Variants in ZNF264 observed in about 807,000 individuals in gnomAD.
The protein encoded by ZNF264 is zinc finger protein 264.
In ZNF264, 11 loss-of-function variants were observed where a neutral mutation model predicts 11.2. The ratio of observed to expected loss-of-function variants is 0.98; its 90% CI spans 0.62 to 1.63. ZNF264 has a LOEUF of 1.63. Ranked by LOEUF, ZNF264 falls within the 40% of genes most tolerant of loss-of-function variation. The pLI is 0.00. For missense variants in ZNF264, 752 were observed against 768.1 expected, an observed-to-expected ratio of 0.98 and a Z score of 0.25; for synonymous variants, 309 against 279.8, an observed-to-expected ratio of 1.10 and a Z score of -1.04.
chr19:57,203,307 TG>T (rs970944472), intron 2 of ZNF264, among the ~76,000 whole-genome samples: 49 of 152,190 alleles, frequency 3.2e-4, no homozygotes, highest in African/African-American at 1.2e-3. Flanking sequence ...GGGTATGGTT[TG>T]GGGTTAGGTG....
At position 57,222,559 on chromosome 19, in the gene ZNF264, C is replaced by G. The variant is rs559838986; in HGVS notation, c.*9578C>G. ...ATGTATATGTGTGTGTACATATGGA[C>G]CACTTCAAGCTACACACACACACAC... On this transcript the variant is annotated 3_prime_UTR_variant, in exon 4 of 4. Coordinates refer to ENST00000263095, the MANE Select transcript of ZNF264 (RefSeq NM_003417.5). The G allele has an allele frequency of 8.8e-6, 1 of 113,390 alleles. No individual in the cohort carries two copies. The highest frequency in any genetic ancestry group is 2.9e-4 in the South Asian group (1 of 3,488). 7.0% of individuals were successfully genotyped at this position (113,390 alleles called of 1,614,324 possible).
At chr19:57,194,250 C>G (rs1298620861) in intron 2 of ZNF264, 1 of 496,256 alleles carries the variant, frequency 2.0e-6, no homozygotes, top group African/African-American at 2.0e-5. Context: ...TTTGCAAACT[C>G]AAAGGTAATT....
rs1487820612 is a variant in ZNF264, at chr19:57,221,165, C to G, written c.*8184C>G. The G allele has an allele frequency of 2.0e-5, 3 of 152,518 alleles. No homozygotes were observed. The highest frequency in any genetic ancestry group is 2.9e-5 in the Non-Finnish European group (2 of 68,310). The allele number at this position is 152,518 out of a possible 1,614,324, so 9.4% of individuals were successfully genotyped here. A position where few individuals can be genotyped will look rare whatever the true frequency, so the allele number is the denominator to read the frequency against. On this transcript the variant is annotated 3_prime_UTR_variant, in exon 4 of 4. Coordinates refer to ENST00000263095, the MANE Select transcript of ZNF264 (RefSeq NM_003417.5). ...TCCCGGGTTCAAGCGATTCTCCTGCCTCAGCCTCCTGAGTAGCTGGGACTA... is the reference window on the plus strand; with the variant it reads ...TCCCGGGTTCAAGCGATTCTCCTGCGTCAGCCTCCTGAGTAGCTGGGACTA...
chr19:57,193,576 A>G, intron 1 of ZNF264: 1 of 973,666 alleles, frequency 1.0e-6, no homozygotes, highest in Non-Finnish European at 1.2e-6. Flanking sequence ...TATTATTACC[A>G]TTTCCCCATT....
chr19:57,193,913 C>T lies in ZNF264; in HGVS notation c.72C>T (p.Thr24=), dbSNP rs7258170. The T allele has an allele frequency of 9.2e-3, 14,889 of 1,613,934 alleles. 1,164 individuals carry two copies. The African/African-American group carries it at 0.17, about 19-fold the overall frequency. Residue 24 remains threonine (T), a synonymous_variant, in exon 2 of 4, where the codon ACC becomes ACT. Coordinates refer to ENST00000263095, the MANE Select transcript of ZNF264 (RefSeq NM_003417.5). ...TTGATGATGTGGCTGTGACTTTCAC[C>T]AAGGAGGAGTGGGGGCAGCTGGACC... The part of the protein sequence containing the change: ...VTFDDVAVTF[T]KEEWGQLDLA...
chr19:57,201,279 G>C lies in ZNF264; in HGVS notation c.161-4118G>C, dbSNP rs181863162. ...TTTAGGCTTTTGGCATCCAGAAGTA[G>C]TGGATCTTAGTTTCTGTCCCTGGGT... On this transcript the variant is annotated intron_variant, in intron 2 of 3. Coordinates refer to ENST00000263095, the MANE Select transcript of ZNF264 (RefSeq NM_003417.5). Among the ~76,000 whole-genome samples, 315 of 152,026 alleles carry C rather than the reference G, an allele frequency of 2.1e-3. 9 individuals carry two copies. Among genetic ancestry groups the C allele is most frequent in the African/African-American group, 6.7e-3 (278 of 41,304 alleles).
Position 57,216,563 on chromosome 19 carries a change from C to T in ZNF264, c.*3582C>T, listed in dbSNP as rs927125986. 1.3e-5 allele frequency: 2 copies of T among 152,180 alleles called. No homozygotes were observed. The highest frequency in any genetic ancestry group is 2.4e-5 in the African/African-American group (1 of 41,442). The allele number at this position is 152,180 out of a possible 1,614,324, so 9.4% of individuals were successfully genotyped here. A position where few individuals can be genotyped will look rare whatever the true frequency, so the allele number is the denominator to read the frequency against. On this transcript the variant is annotated 3_prime_UTR_variant, in exon 4 of 4. Transcript: ENST00000263095. Reference sequence around the variant, plus strand: ...TTGTCAATACTTTACCTGATGTTCTCATAGTGACTCCTGCATATTTTGATT... The same window carrying T: ...TTGTCAATACTTTACCTGATGTTCTTATAGTGACTCCTGCATATTTTGATT...
rs770465749 is a variant in ZNF264, at chr19:57,205,468, G to T, written c.232G>T (p.Asp78Tyr). The change falls in exon 3 of 4, where the codon GAC becomes TAC. Residue 78 changes from aspartate to tyrosine, a missense_variant. Coordinates refer to ENST00000263095, the MANE Select transcript of ZNF264 (RefSeq NM_003417.5). ...HGQEPWTRKE[D>Y]LSQDTCPGDK... is the part of the protein sequence containing the mutation. The stretch of plus-strand genomic sequence containing the variant: ...GCAGGAGCCATGGACCAGGAAGGAA[G>T]ACCTCTCCCAAGACACCTGTCCAGG... The T allele has an allele frequency of 3.7e-6, 6 of 1,611,818 alleles. No homozygotes were observed. The highest frequency in any genetic ancestry group is 5.1e-6 in the Non-Finnish European group (6 of 1,179,082).
At chr19:57,198,451 C>T (rs914248124) in intron 2 of ZNF264, among the ~76,000 whole-genome samples, 4 of 151,916 alleles carry the variant, frequency 2.6e-5, no homozygotes, top group Non-Finnish European at 4.4e-5. Flanking sequence ...AGAGGTGGCT[C>T]TAATGGCTTC....
chr19:57,199,344 A>G (rs1445646589), intron 2 of ZNF264, among the ~76,000 whole-genome samples: 1 of 151,654 alleles, frequency 6.6e-6, no homozygotes, highest in African/African-American at 2.4e-5. Context: ...TGTCTTATGG[A>G]CCCTCCCAGC....
chr19:57,215,778 T>A lies in ZNF264; in HGVS notation c.*2797T>A, dbSNP rs2087376052. On this transcript the variant is annotated 3_prime_UTR_variant, in exon 4 of 4. Coordinates refer to ENST00000263095, the MANE Select transcript of ZNF264 (RefSeq NM_003417.5). ...ACATTCTCTCTTAGCCATGAATTAT[T>A]TAATAGTATGCTTAATTTTCTGGTG... 1 of 152,228 alleles carries A rather than the reference T, an allele frequency of 6.6e-6. No individual in the cohort carries two copies. Among genetic ancestry groups the A allele is most frequent in the Admixed American group, 6.5e-5 (1 of 15,278 alleles). The allele number at this position is 152,228 out of a possible 1,614,324, so 9.4% of individuals were successfully genotyped here. A position where few individuals can be genotyped will look rare whatever the true frequency, so the allele number is the denominator to read the frequency against.
rs2087340193 is a variant in ZNF264 at position 57,211,961 on chromosome 19, G to A, written c.864G>A (p.Lys288=). ...QRIHSGEKPY[K]CNECGKAFTH... ...TTCACAGTGGAGAGAAGCCTTACAA[G>A]TGCAATGAATGCGGAAAGGCCTTCA... Residue 288 remains lysine, a synonymous_variant, in exon 4 of 4, where the codon AAG becomes AAA. Transcript: ENST00000263095. The A allele has an allele frequency of 6.2e-7, 1 of 1,613,984 alleles. No homozygotes were observed. The highest frequency in any genetic ancestry group is 1.3e-5 in the African/African-American group (1 of 74,940).
chr19:57,192,931 A>G (rs62131289), intron 1 of ZNF264, among the ~76,000 whole-genome samples: 14,817 of 151,934 alleles, frequency 0.098, 1,236 homozygotes, highest in African/African-American at 0.23. Flanking sequence ...GGGTTTCACC[A>G]TATTTGCCAG....
rs750689045 is a variant in ZNF264 at position 57,211,885 on chromosome 19, A to G, written c.788A>G (p.Glu263Gly). The G allele has an allele frequency of 6.2e-7, 1 of 1,614,104 alleles. No homozygotes were observed. Among genetic ancestry groups the G allele is most frequent in the African/African-American group, 1.3e-5 (1 of 74,932 alleles). The stretch of plus-strand genomic sequence containing the variant: ...GGGGAGAGGCCCTATGAGTGCATGG[A>G]GTGTGGAAAGGCCTTCAACCGCAAG... ...HTGERPYECM[E>G]CGKAFNRKSY... is the part of the protein sequence containing the mutation. The change falls in exon 4 of 4, where the codon GAG becomes GGG. Residue 263 changes from glutamate (E) to glycine (G), a missense_variant. Glu to Gly is a moderately conservative substitution (Grantham distance 98). Coordinates refer to ENST00000263095, the MANE Select transcript of ZNF264 (RefSeq NM_003417.5).
rs1433453606 is a variant in ZNF264 at position 57,216,423 on chromosome 19, T to C, written c.*3442T>C. ...TCTTTCAAGTTCTATCACTTTTTGT[T>C]TGCAAAGTTCAAAGCTGTATTGTTT... On this transcript the variant is annotated 3_prime_UTR_variant, in exon 4 of 4. Coordinates refer to ENST00000263095, the MANE Select transcript of ZNF264 (RefSeq NM_003417.5). 1 of 152,218 alleles carries C rather than the reference T, an allele frequency of 6.6e-6. No homozygotes were observed. Among genetic ancestry groups the C allele is most frequent in the Admixed American group, 6.5e-5 (1 of 15,274 alleles). 9.4% of individuals were successfully genotyped at this position (152,218 alleles called of 1,614,324 possible). A position where few individuals can be genotyped will look rare whatever the true frequency, so the allele number is the denominator to read the frequency against.
chr19:57,221,917 A>G lies in ZNF264; in HGVS notation c.*8936A>G, dbSNP rs1043430745. On this transcript the variant is annotated 3_prime_UTR_variant, in exon 4 of 4. Transcript: ENST00000263095. ...GTGAACCTTGCAAACTCAAAAGGAT[A>G]GCAGTCTCCAACCTGCTGTTTTATA... 6.6e-6 allele frequency: 1 copy of G among 152,218 alleles called. No homozygotes were observed. The highest frequency in any genetic ancestry group is 1.5e-5 in the Non-Finnish European group (1 of 68,032). 9.4% of individuals were successfully genotyped at this position (152,218 alleles called of 1,614,324 possible).
chr19:57,212,475 T>C lies in ZNF264; in HGVS notation c.1378T>C (p.Cys460Arg), dbSNP rs900727282. Residue 460 changes from cysteine to arginine, a missense_variant, in exon 4 of 4, where the codon TGT (cysteine) becomes CGT (arginine). Transcript: ENST00000263095. ...AGAAAAGCCTTTCGAGTGCAAAGAG[T>C]GTGGGAAAGCCTTTAGCAATCGGAA... The part of the protein sequence containing the change: ...TGEKPFECKE[C>R]GKAFSNRKDL... The C allele has an allele frequency of 6.2e-7, 1 of 1,613,454 alleles. No homozygotes were observed. Among genetic ancestry groups the C allele is most frequent in the South Asian group, 1.1e-5 (1 of 91,048 alleles).
intron 1 of ZNF264, chr19:57,192,612 G>A: frequency 2.0e-6 from 2 of 975,940 alleles, no homozygotes; most frequent in Non-Finnish European, 2.4e-6. Context: ...GAGACCCAGG[G>A]AGATCCCAGA....
In ZNF264 at chr19:57,192,062, G is replaced by A. The variant is rs1161431985; in HGVS notation, c.33+116G>A. On this transcript the variant is annotated intron_variant, in intron 1 of 3. Transcript: ENST00000263095. ...TGTCTTCGCAGTCGTCGTTCGCTTT[G>A]GTGTGTGGAGCTGGTTTGCCACTTA... The A allele has an allele frequency of 2.9e-6, 3 of 1,034,370 alleles. No homozygotes were observed. In the East Asian group the frequency reaches 9.6e-5, roughly 33 times the overall value. The allele number at this position is 1,034,370 out of a possible 1,614,324, so 64.1% of individuals were successfully genotyped here. A position where few individuals can be genotyped will look rare whatever the true frequency, so the allele number is the denominator to read the frequency against.
Sources: gnomAD v4.1 joint callset for allele counts (sites outside exome capture counted in the v4.1 genomes callset) on GRCh38, gnomAD v4.1.1 for gene constraint, MANE v1.5 for transcripts, NCBI Gene and HGNC (gene_info 2026-07-23, HGNC 2026-07-21) for gene names.